The following THRB variants were observed in gnomAD, a reference collection of about 807,000 sequenced individuals.
THRB encodes the protein thyroid hormone receptor beta.
A neutral mutation model predicts 47.8 loss-of-function variants in THRB; 12 were observed. The ratio of observed to expected loss-of-function variants is 0.25; its 90% CI spans 0.16 to 0.41. The LOEUF (loss-of-function observed/expected upper bound fraction) is 0.41, where lower values mean the gene tolerates loss of function less well. Among genes scored for constraint, THRB ranks in the 10% least tolerant of loss-of-function variants. THRB has a pLI of 1.00. For synonymous variants in THRB, 218 were observed against 212.2 expected, an observed-to-expected ratio of 1.03 and a Z score of -0.24; for missense variants, 348 against 589.2, an observed-to-expected ratio of 0.59 and a Z score of 4.24.
At chr3:24,368,892 C>A (rs574470294) in intron 1 of THRB, among the ~76,000 whole-genome samples, 7 of 152,282 alleles carry the variant, frequency 4.6e-5, no homozygotes, top group African/African-American at 1.7e-4. Flanking sequence ...TCTCATTAAA[C>A]CCTTGCATTT....
chr3:24,331,915 G>C (rs1284842829), intron 2 of THRB, among the ~76,000 whole-genome samples: 1 of 152,072 alleles, frequency 6.6e-6, no homozygotes, highest in African/African-American at 2.4e-5. Flanking sequence ...TACAAGATCA[G>C]TCCCTTGAAA....
intron 1 of THRB, among the ~76,000 whole-genome samples, chr3:24,357,357 A>C (rs796146231): frequency 2.2e-4 from 31 of 137,844 alleles, no homozygotes; most frequent in African/African-American, 7.9e-4. Flanking sequence ...AAAAAAAAAA[A>C]AAAAAAAAAA....
chr3:24,137,609 C>A lies in THRB; in HGVS notation c.739-4147G>T, dbSNP rs183151362. 1.9e-3 allele frequency among the ~76,000 whole-genome samples: 283 copies of A among 152,176 alleles called. 1 individual carries two copies. The highest frequency in any genetic ancestry group is 3.4e-3 in the Non-Finnish European group (231 of 68,012). ...CAAAGTCCCAAAGCCAGAAAGGAGG[C>A]CCGTGTGGTTAGAGCCCAGTGATGG... On this transcript the variant is annotated intron_variant, in intron 8 of 10. Coordinates refer to ENST00000646209, the MANE Select transcript of THRB (RefSeq NM_001354712.2).
At chr3:24,329,073 T>G (rs1262275840) in intron 2 of THRB, among the ~76,000 whole-genome samples, 3 of 151,946 alleles carry the variant, frequency 2.0e-5, no homozygotes, top group Non-Finnish European at 4.4e-5. Context: ...CAGCCTCCCA[T>G]GTAGCTGGGA....
intron 3 of THRB, among the ~76,000 whole-genome samples, chr3:24,278,082 T>C (rs769301922): frequency 2.3e-4 from 35 of 152,172 alleles, no homozygotes; most frequent in East Asian, 5.8e-4. Flanking sequence ...AAGAAATCCA[T>C]AATAATGTTA....
chr3:24,285,924 G>T (rs1271091464), intron 3 of THRB, among the ~76,000 whole-genome samples: 1 of 152,164 alleles, frequency 6.6e-6, no homozygotes, highest in Non-Finnish European at 1.5e-5. Flanking sequence ...CCAATGTGAT[G>T]GTATTTGGAG....
chr3:24,177,485 TATGACGAATTCACCATCTGC>T (rs1266921144), intron 5 of THRB, among the ~76,000 whole-genome samples: 2 of 151,660 alleles, frequency 1.3e-5, no homozygotes, highest in Admixed American at 1.3e-4. Flanking sequence ...CAGTATAAAT[TATGACGAATTCACCATCTGC>T]AGTGAATCAA....
chr3:24,241,973 C>A (rs1221045218), intron 3 of THRB, among the ~76,000 whole-genome samples: 6 of 152,236 alleles, frequency 3.9e-5, no homozygotes, highest in Middle Eastern at 3.4e-3. Context: ...TTCCTCCCCC[C>A]ACAAGTTAGC....
At chr3:24,158,441 GGGT>G (rs1559477666) in intron 5 of THRB, among the ~76,000 whole-genome samples, 1 of 19,214 alleles carries the variant, frequency 5.2e-5, no homozygotes, top group African/African-American at 2.8e-4. Flanking sequence ...TTTGGGGGGA[GGGT>G]GGGGGACGAG....
At chr3:24,206,312 C>A (rs569511921) in intron 4 of THRB, among the ~76,000 whole-genome samples, 193 of 152,328 alleles carry the variant, frequency 1.3e-3, no homozygotes, top group Non-Finnish European at 2.3e-3. Context: ...TCTCAGACCA[C>A]AGTGCAATCA....
intron 6 of THRB, among the ~76,000 whole-genome samples, chr3:24,147,655 C>T (rs541915861): frequency 3.2e-4 from 48 of 152,214 alleles, no homozygotes; most frequent in African/African-American, 9.2e-4. Flanking sequence ...TTTTTCTGGA[C>T]GTGATCCTCA....
chr3:24,241,853 A>G (rs1184856306), intron 3 of THRB, among the ~76,000 whole-genome samples: 1 of 152,074 alleles, frequency 6.6e-6, no homozygotes, highest in East Asian at 1.9e-4. Flanking sequence ...TTCGGGTCCT[A>G]TGTTTCTGAT....
At chr3:24,214,678 G>A (rs1278132078) in intron 4 of THRB, among the ~76,000 whole-genome samples, 1 of 152,116 alleles carries the variant, frequency 6.6e-6, no homozygotes, top group African/African-American at 2.4e-5. Flanking sequence ...TGAGTAGGAG[G>A]GGCTGCTGCA....
intron 1 of THRB, among the ~76,000 whole-genome samples, chr3:24,488,660 G>T (rs1477163154): frequency 6.6e-6 from 1 of 151,530 alleles, no homozygotes; most frequent in African/African-American, 2.4e-5. Context: ...CAAATAACTA[G>T]AATAAAATAA....
At chr3:24,450,304 G>T (rs1241359587) in intron 1 of THRB, among the ~76,000 whole-genome samples, 1 of 152,144 alleles carries the variant, frequency 6.6e-6, no homozygotes, top group Non-Finnish European at 1.5e-5. Flanking sequence ...AGAGAGGCAG[G>T]TAAATGGACA....
At chr3:24,269,280 CACACACACACA>C (rs2150604226) in intron 3 of THRB, among the ~76,000 whole-genome samples, 1 of 6,252 alleles carries the variant, frequency 1.6e-4, no homozygotes, top group African/African-American at 4.8e-4. Flanking sequence ...GGATACACCA[CACACACACACA>C]CACACACACA....
chr3:24,315,566 C>A (rs942197032), intron 2 of THRB, among the ~76,000 whole-genome samples: 5 of 152,190 alleles, frequency 3.3e-5, no homozygotes, highest in Admixed American at 6.5e-5. Flanking sequence ...CACTGTGCCT[C>A]CCGGCCTTCT....
At chr3:24,431,324 G>C (rs1161567852) in intron 1 of THRB, among the ~76,000 whole-genome samples, 3 of 150,806 alleles carry the variant, frequency 2.0e-5, no homozygotes, top group East Asian at 3.9e-4. Context: ...TGAATCAAAA[G>C]AGAAGTGGGT....
chr3:24,425,193 G>A (rs960791445), intron 1 of THRB, among the ~76,000 whole-genome samples: 10 of 151,760 alleles, frequency 6.6e-5, no homozygotes, highest in Admixed American at 1.3e-4. Flanking sequence ...AGTGATGCAC[G>A]TTGACAAATT....
Sources: allele counts gnomAD v4.1 joint callset (sites outside exome capture counted in the v4.1 genomes callset), GRCh38; gene constraint gnomAD v4.1.1; transcripts MANE v1.5; gene names NCBI Gene and HGNC (gene_info 2026-07-23, HGNC 2026-07-21).